CRISP1: variants seen among roughly 807,000 people sequenced by gnomAD.
The protein encoded by CRISP1 is cysteine rich secretory protein 1.
Under a neutral mutation model 33.1 loss-of-function variants are expected in CRISP1, and 44 were observed. The observed-to-expected ratio is 1.33, with a 90% CI of 1.05 to 1.71. The LOEUF (loss-of-function observed/expected upper bound fraction) is 1.71, where lower values mean the gene tolerates loss of function less well. Ranked by LOEUF, CRISP1 falls within the 40% of genes most tolerant of loss-of-function variation. The pLI is 0.00. For synonymous variants in CRISP1, 103 were observed against 98.7 expected, an observed-to-expected ratio of 1.04 and a Z score of -0.26; for missense variants, 390 against 301.2, an observed-to-expected ratio of 1.29 and a Z score of -2.18.
In CRISP1 at chr6:49,836,907, A is replaced by T. The variant is rs75022776; in HGVS notation, c.623-1464T>A. Among the ~76,000 whole-genome samples, 102 of 152,006 alleles carry T rather than the reference A, an allele frequency of 6.7e-4. No homozygotes were observed. In the East Asian group the frequency reaches 0.012, roughly 18 times the overall value. ...GCCAAAGTCATTACTCATTTTTTTT[A>T]AAAAATCAATTACCTATCTTTATCC... On this transcript the variant is annotated intron_variant, in intron 7 of 7. Transcript: ENST00000335847.
chr6:49,868,141 G>A (rs1021530202), upstream of CRISP1, among the ~76,000 whole-genome samples: 2 of 152,142 alleles, frequency 1.3e-5, no homozygotes, highest in Non-Finnish European at 2.9e-5. Context: ...TTCATATAGA[G>A]TTGCTATCCA....
rs73737242 is a variant in CRISP1, at chr6:49,842,265, G to A, written c.436-1270C>T. Among the ~76,000 whole-genome samples, 379 of 152,120 alleles carry A rather than the reference G, an allele frequency of 2.5e-3. 5 individuals carry two copies. The highest frequency in any genetic ancestry group is 8.6e-3 in the African/African-American group (358 of 41,492). On this transcript the variant is annotated intron_variant, in intron 5 of 7. Transcript: ENST00000335847. ...CATTTTCTACCAATGAGTATTTTCC[G>A]TAAGAGACCCTGTTGAACTCAGAAT...
chr6:49,855,020 A>G (rs555045523), intron 2 of CRISP1, among the ~76,000 whole-genome samples: 1 of 152,244 alleles, frequency 6.6e-6, no homozygotes, highest in South Asian at 2.1e-4. Context: ...TATTGTTTTA[A>G]TGACTTTATT....
At chr6:49,863,279 T>C (rs1238429243) in intron 1 of CRISP1, among the ~76,000 whole-genome samples, 1 of 152,186 alleles carries the variant, frequency 6.6e-6, no homozygotes, top group Non-Finnish European at 1.5e-5. Context: ...CTGGGACTTA[T>C]CTTATCCCAA....
chr6:49,872,579 A>C (rs1397104738), intron 1 of CRISP1, among the ~76,000 whole-genome samples: 1 of 152,068 alleles, frequency 6.6e-6, no homozygotes, highest in African/African-American at 2.4e-5. Flanking sequence ...ATTTTTGTAT[A>C]AGGTGTAAGG....
chr6:49,871,575 G>C (rs1378417797), intron 1 of CRISP1, among the ~76,000 whole-genome samples: 1 of 112,226 alleles, frequency 8.9e-6, no homozygotes, highest in African/African-American at 3.7e-5. Context: ...ACAGGCCCCA[G>C]TGTGTGATGT....
At chr6:49,852,245 G>T in intron 2 of CRISP1, 116 bp from the exon 3 acceptor site, 2 of 916,752 alleles carry the variant, frequency 2.2e-6, no homozygotes, top group Non-Finnish European at 1.6e-6. Flanking sequence ...GTGATTTATA[G>T]CATTTTTGAA....
At chr6:49,856,657 T>C (rs1230496954) in intron 2 of CRISP1, among the ~76,000 whole-genome samples, 4 of 152,176 alleles carry the variant, frequency 2.6e-5, no homozygotes, top group Non-Finnish European at 5.9e-5. Flanking sequence ...CCACTCATTT[T>C]CTATACCAAA....
chr6:49,874,479 G>T (rs1393962154), intron 1 of CRISP1, among the ~76,000 whole-genome samples: 1 of 151,938 alleles, frequency 6.6e-6, no homozygotes, highest in African/African-American at 2.4e-5. Flanking sequence ...TTTCCTCCTG[G>T]GGTAGGGAAA....
At chr6:49,851,197 A>G (rs1771335655) in intron 3 of CRISP1, among the ~76,000 whole-genome samples, 2 of 152,068 alleles carry the variant, frequency 1.3e-5, no homozygotes, top group Non-Finnish European at 2.9e-5. Flanking sequence ...TCCTTGTTTC[A>G]TCCTCTTCAT....
At chr6:49,841,207 A>G (rs1019479762) in intron 5 of CRISP1, among the ~76,000 whole-genome samples, 4 of 152,192 alleles carry the variant, frequency 2.6e-5, no homozygotes, top group Admixed American at 2.6e-4. Flanking sequence ...AATGGAAACC[A>G]GGTGGAGAAA....
intron 2 of CRISP1, 65 bp from the exon 3 acceptor site, chr6:49,852,194 C>A: frequency 6.6e-7 from 1 of 1,516,634 alleles, no homozygotes. Context: ...ATATATTTTG[C>A]AGACCTATAG....
intron 7 of CRISP1, among the ~76,000 whole-genome samples, chr6:49,837,695 G>A (rs530073414): frequency 2.0e-5 from 3 of 152,060 alleles, no homozygotes; most frequent in African/African-American, 7.2e-5. Flanking sequence ...CAAGTCGGAG[G>A]TCACAGGATA....
chr6:49,858,306 G>T (rs1001860457), intron 1 of CRISP1, among the ~76,000 whole-genome samples: 2 of 152,060 alleles, frequency 1.3e-5, no homozygotes, highest in African/African-American at 4.8e-5. Flanking sequence ...ATTGAATTTG[G>T]TTGGCACCTT....
chr6:49,846,398 T>G lies in CRISP1; in HGVS notation c.435+122A>C. On this transcript the variant is annotated intron_variant, in intron 5 of 7. Coordinates refer to ENST00000335847, the MANE Select transcript of CRISP1 (RefSeq NM_001131.3). The stretch of plus-strand genomic sequence containing the variant: ...TTCTATTTCAAATTATAAGAGGAAC[T>G]CAGTAAATTGAGTAAAGATTGCCAT... The G allele has an allele frequency of 5.0e-6, 5 of 1,003,108 alleles. No individual in the cohort carries two copies. In the South Asian group the frequency reaches 8.5e-5, roughly 17 times the overall value. 62.1% of individuals were successfully genotyped at this position (1,003,108 alleles called of 1,614,324 possible).
intron 7 of CRISP1, among the ~76,000 whole-genome samples, chr6:49,837,461 G>T (rs1456301968): frequency 6.7e-6 from 1 of 150,180 alleles, no homozygotes; most frequent in Non-Finnish European, 1.5e-5. Flanking sequence ...TTTTTTCCCG[G>T]TGGGGAGGAA....
chr6:49,838,438 G>A lies in CRISP1; in HGVS notation c.621C>T (p.Cys207=). The A allele has an allele frequency of 6.2e-7, 1 of 1,607,424 alleles. No homozygotes were observed. ...ACPSNCEDKL[C]TNPCIYYDEY... The stretch of plus-strand genomic sequence containing the variant: ...CAAACAGAATGCAAACAAACTTACT[G>A]CAAAGTTTGTCTTCACAGTTACTTG... The change falls in exon 7 of 8, where the codon TGC becomes TGT. Residue 207 remains cysteine, a splice_region_variant and synonymous_variant. Transcript: ENST00000335847.
At chr6:49,861,436 T>A (rs1771650724) in intron 1 of CRISP1, among the ~76,000 whole-genome samples, 1 of 152,184 alleles carries the variant, frequency 6.6e-6, no homozygotes, top group Admixed American at 6.6e-5. Context: ...GATGCAAGGA[T>A]GGTTCAACAT....
chr6:49,858,987 G>A (rs1771570827), intron 1 of CRISP1, among the ~76,000 whole-genome samples: 1 of 152,164 alleles, frequency 6.6e-6, no homozygotes, highest in South Asian at 2.1e-4. Flanking sequence ...AGTCTGCTCA[G>A]TTGGGACTGA....
Sources: gnomAD v4.1 joint callset for allele counts (sites outside exome capture counted in the v4.1 genomes callset) on GRCh38, gnomAD v4.1.1 for gene constraint, MANE v1.5 for transcripts, NCBI Gene and HGNC (gene_info 2026-07-23, HGNC 2026-07-21) for gene names.